Variants in KDM4B observed in about 807,000 individuals in gnomAD.
KDM4B encodes the protein lysine demethylase 4B, also known as lysine-specific demethylase 4B.
Under a neutral mutation model 125.2 loss-of-function variants are expected in KDM4B, and 32 were observed. The ratio of observed to expected loss-of-function variants is 0.26; its 90% CI spans 0.19 to 0.34. The LOEUF (loss-of-function observed/expected upper bound fraction) is 0.34, where lower values mean the gene tolerates loss of function less well. Among genes scored for constraint, KDM4B ranks in the 10% least tolerant of loss-of-function variants. The pLI is 1.00. For missense variants in KDM4B, 1,190 were observed against 1,577.7 expected (o/e 0.75, Z 4.16); for synonymous variants, 721 against 677.9 (o/e 1.06, Z -0.99).
rs374355154 is a variant in KDM4B at position 5,097,972 on chromosome 19, G to A, written c.919-12650G>A. 1.5e-3 allele frequency among the ~76,000 whole-genome samples: 231 copies of A among 152,300 alleles called. 7 individuals carry two copies. In the South Asian group the frequency reaches 0.045, roughly 30 times the overall value. On this transcript the variant is annotated intron_variant, in intron 9 of 22. Transcript: ENST00000159111. ...GGCATGGGGGGCGCAAATGTCAGTC[G>A]GGAGCTGTCAAGCTCTGTGGAAGGT...
chr19:5,051,587 C>T (rs111317521), intron 6 of KDM4B, among the ~76,000 whole-genome samples: 6,635 of 152,286 alleles, frequency 0.044, 195 homozygotes, highest in Non-Finnish European at 0.067. Flanking sequence ...TCCAAGGCGG[C>T]GAGAGGAAGG....
chr19:5,063,181 G>C (rs1177235229), intron 6 of KDM4B, among the ~76,000 whole-genome samples: 1 of 152,032 alleles, frequency 6.6e-6, no homozygotes, highest in Non-Finnish European at 1.5e-5. Flanking sequence ...ATTTTTGATA[G>C]ATATTAATTT....
At chr19:5,005,740 G>T (rs774768138) in intron 1 of KDM4B, among the ~76,000 whole-genome samples, 4 of 152,134 alleles carry the variant, frequency 2.6e-5, no homozygotes, top group Non-Finnish European at 5.9e-5. Flanking sequence ...CTCTAAGATC[G>T]CTCTTAGAGG....
intron 9 of KDM4B, among the ~76,000 whole-genome samples, chr19:5,091,883 C>T (rs187542299): frequency 2.6e-5 from 4 of 151,348 alleles, no homozygotes; most frequent in South Asian, 4.2e-4. Context: ...TGATTTATGG[C>T]GTTGTGGGGC....
At chr19:5,029,468 C>A (rs1000902941) in intron 2 of KDM4B, among the ~76,000 whole-genome samples, 1 of 152,170 alleles carries the variant, frequency 6.6e-6, no homozygotes, top group Non-Finnish European at 1.5e-5. Context: ...AAGGTTATGG[C>A]GCGTGGGGAT....
intron 9 of KDM4B, among the ~76,000 whole-genome samples, chr19:5,103,565 C>T (rs892612005): frequency 6.6e-6 from 1 of 152,204 alleles, no homozygotes; most frequent in Non-Finnish European, 1.5e-5. Context: ...ACGGGCCAGC[C>T]AGCAGCAGCG....
intron 14 of KDM4B, among the ~76,000 whole-genome samples, chr19:5,134,412 G>C (rs933721778): frequency 5.3e-5 from 8 of 152,190 alleles, no homozygotes; most frequent in African/African-American, 1.9e-4. Context: ...CACCACCTGG[G>C]TGGCCGGGCG....
chr19:5,131,122 G>A lies in KDM4B; in HGVS notation c.1362G>A (p.Arg454=). 6.5e-7 allele frequency: 1 copy of A among 1,528,146 alleles called. No homozygotes were observed. The highest frequency in any genetic ancestry group is 1.4e-5 in the African/African-American group (1 of 72,314). The allele number at this position is 1,528,146 out of a possible 1,614,324, so 94.7% of individuals were successfully genotyped here. A position where few individuals can be genotyped will look rare whatever the true frequency, so the allele number is the denominator to read the frequency against. ...KLRPTKAKSE[R]KKKSFGLLPP... is the part of the protein sequence containing the mutation. The stretch of plus-strand genomic sequence containing the variant: ...GGCCAACCAAGGCCAAGAGCGAGCG[G>A]AAGAAGAAGAGCTTCGGCCTGCTGC... The change falls in exon 12 of 23, where the codon CGG becomes CGA. Residue 454 remains arginine (R), a synonymous_variant. Coordinates refer to ENST00000159111, the MANE Select transcript of KDM4B (RefSeq NM_015015.3).
At chr19:5,060,837 G>T (rs1003469941) in intron 6 of KDM4B, among the ~76,000 whole-genome samples, 1 of 152,220 alleles carries the variant, frequency 6.6e-6, no homozygotes, top group African/African-American at 2.4e-5. Context: ...TCCTGGCGAG[G>T]CTGAGGGAAA....
chr19:4,990,791 T>C (rs920675837), intron 1 of KDM4B, among the ~76,000 whole-genome samples: 3 of 152,186 alleles, frequency 2.0e-5, no homozygotes, highest in Admixed American at 2.0e-4. Flanking sequence ...CTTAGTGCTA[T>C]TCTTGTGTTG....
intron 6 of KDM4B, among the ~76,000 whole-genome samples, chr19:5,053,514 A>G (rs952326977): frequency 6.6e-6 from 1 of 152,210 alleles, no homozygotes; most frequent in African/African-American, 2.4e-5. Context: ...GTCAGGAGCC[A>G]AGGCAGCTTG....
chr19:5,080,139 A>C (rs2038244056), intron 8 of KDM4B, among the ~76,000 whole-genome samples: 1 of 152,188 alleles, frequency 6.6e-6, no homozygotes, highest in Non-Finnish European at 1.5e-5. Context: ...CTTAATGCAC[A>C]CTGACTTCCC....
intron 3 of KDM4B, among the ~76,000 whole-genome samples, chr19:5,036,481 C>T (rs576734964): frequency 3.3e-5 from 5 of 152,306 alleles, no homozygotes; most frequent in South Asian, 2.1e-4. Context: ...TGGAAGGCCC[C>T]GTCGGGGGTC....
intron 1 of KDM4B, among the ~76,000 whole-genome samples, chr19:5,015,812 G>A (rs1469568714): frequency 6.6e-6 from 1 of 152,238 alleles, no homozygotes; most frequent in East Asian, 1.9e-4. Flanking sequence ...GCTGTGCCTT[G>A]GCCCCTGTGC....
rs537760942 is a variant in KDM4B, at chr19:5,141,671, T to C, written c.2551-2296T>C. Among the ~76,000 whole-genome samples the C allele has an allele frequency of 6.6e-6, 1 of 152,266 alleles. No homozygotes were observed. The highest frequency in any genetic ancestry group is 1.5e-5 in the Non-Finnish European group (1 of 68,014). On this transcript the variant is annotated intron_variant, in intron 18 of 22. Coordinates refer to ENST00000159111, the MANE Select transcript of KDM4B (RefSeq NM_015015.3). This position sits in a 1 kb window ranked among gnomAD's most constrained non-coding sequence, Gnocchi z 6.4. Reference sequence around the variant, plus strand: ...CTCCAGGACTTCTCCAGCCACCGGCTCAGGGCTCCAGGCAGTCCTGGTGAG... The same window carrying C: ...CTCCAGGACTTCTCCAGCCACCGGCCCAGGGCTCCAGGCAGTCCTGGTGAG...
chr19:5,147,360 C>G (rs1288348472), intron 21 of KDM4B, among the ~76,000 whole-genome samples: 2 of 152,122 alleles, frequency 1.3e-5, no homozygotes, highest in Non-Finnish European at 2.9e-5. Flanking sequence ...AGGAAGTGCT[C>G]CCAGGATCAT....
intron 9 of KDM4B, among the ~76,000 whole-genome samples, chr19:5,088,674 C>T (rs1364148684): frequency 1.4e-5 from 2 of 147,204 alleles, no homozygotes; most frequent in Non-Finnish European, 3.0e-5. Flanking sequence ...CTCCCCCCCC[C>T]CGCAAAAGAG....
intron 6 of KDM4B, among the ~76,000 whole-genome samples, chr19:5,067,207 T>G (rs1020948095): frequency 1.3e-5 from 2 of 151,856 alleles, no homozygotes; most frequent in African/African-American, 4.8e-5. Context: ...GCTGCAAGAG[T>G]CCTTGTTGCA....
At chr19:5,050,080 C>T (rs1365955826) in intron 6 of KDM4B, among the ~76,000 whole-genome samples, 1 of 152,250 alleles carries the variant, frequency 6.6e-6, no homozygotes, top group African/African-American at 2.4e-5. Flanking sequence ...CGTCTGTCTC[C>T]CTCATTACAC....
Sources: gnomAD v4.1 joint callset for allele counts (sites outside exome capture counted in the v4.1 genomes callset) on GRCh38, gnomAD v4.1.1 for gene constraint, Gnocchi (gnomAD v3.1) non-coding constraint, MANE v1.5 for transcripts, NCBI Gene and HGNC (gene_info 2026-07-23, HGNC 2026-07-21) for gene names.